Variants in PTPRT observed in about 807,000 individuals in gnomAD.
The protein encoded by PTPRT is receptor-type tyrosine-protein phosphatase T.
PTPRT carries 56 observed loss-of-function variants against 176.8 expected under a neutral mutation model. That is an observed-to-expected ratio of 0.32 (90% CI 0.26 to 0.40). PTPRT has a LOEUF of 0.40. Among genes scored for constraint, PTPRT ranks in the 10% least tolerant of loss-of-function variants. The pLI, the probability that PTPRT is intolerant of heterozygous loss-of-function variation, is 1.00. For synonymous variants in PTPRT, 783 were observed against 739.0 expected (o/e 1.06, Z -0.96); for missense variants, 1,540 against 1,908.2 (o/e 0.81, Z 3.60).
chr20:42,160,884 C>T (rs1298305166), intron 17 of PTPRT, among the ~76,000 whole-genome samples: 2 of 152,028 alleles, frequency 1.3e-5, no homozygotes, highest in Non-Finnish European at 2.9e-5. Context: ...ACCAGAATAC[C>T]ACAGAAGCTT....
chr20:42,182,200 AG>A (rs1282348179), intron 16 of PTPRT, among the ~76,000 whole-genome samples: 4 of 152,194 alleles, frequency 2.6e-5, no homozygotes, highest in Non-Finnish European at 5.9e-5. Flanking sequence ...GTAGGCCACG[AG>A]GTTAATTTTT....
chr20:42,603,193 C>T (rs545977496), intron 7 of PTPRT, among the ~76,000 whole-genome samples: 4 of 152,126 alleles, frequency 2.6e-5, no homozygotes, highest in African/African-American at 7.2e-5. Flanking sequence ...AGACAATCAG[C>T]GCAAGAAGAC....
chr20:42,768,884 C>A (rs937084564), intron 5 of PTPRT, among the ~76,000 whole-genome samples: 1 of 152,158 alleles, frequency 6.6e-6, no homozygotes, highest in Admixed American at 6.5e-5. Flanking sequence ...CTCCCACTGA[C>A]AAACCCAAGG....
At chr20:42,034,071 C>T in the PTPRT span, among the ~76,000 whole-genome samples, 1 of 152,148 alleles carries the variant, frequency 6.6e-6, no homozygotes, top group South Asian at 2.1e-4. Flanking sequence ...AAATAACACA[C>T]CTTTAATGCC....
At chr20:42,969,102 T>C (rs1982471643) in intron 1 of PTPRT, 1 of 152,188 alleles carries the variant, frequency 6.6e-6, no homozygotes, top group Non-Finnish European at 1.5e-5. Context: ...ATGTCACTTG[T>C]CGTTAATGGG....
intron 8 of PTPRT, among the ~76,000 whole-genome samples, chr20:42,450,316 T>C (rs1298385156): frequency 6.6e-6 from 1 of 152,238 alleles, no homozygotes; most frequent in East Asian, 1.9e-4. Context: ...TATTACCAGA[T>C]TGCCTTTCAG....
At chr20:42,585,512 C>T (rs1009850655) in intron 7 of PTPRT, among the ~76,000 whole-genome samples, 2 of 151,938 alleles carry the variant, frequency 1.3e-5, no homozygotes, top group Admixed American at 1.3e-4. Context: ...TATTTTAGTT[C>T]CTCTATTTGG....
At chr20:42,138,903 T>C (rs1447596344) in intron 18 of PTPRT, among the ~76,000 whole-genome samples, 1 of 152,224 alleles carries the variant, frequency 6.6e-6, no homozygotes, top group Non-Finnish European at 1.5e-5. Flanking sequence ...CTGTTCTCCC[T>C]GGCCTGGGCC....
intron 8 of PTPRT, among the ~76,000 whole-genome samples, chr20:42,449,876 T>C (rs375995802): frequency 4.6e-4 from 70 of 152,344 alleles, no homozygotes; most frequent in African/African-American, 1.4e-3. Context: ...AAATTACTCA[T>C]AATTCACATG....
the PTPRT span, among the ~76,000 whole-genome samples, chr20:42,049,962 C>T: frequency 6.6e-6 from 1 of 152,206 alleles, no homozygotes; most frequent in Non-Finnish European, 1.5e-5. Flanking sequence ...GATATTCAGC[C>T]TCATTCATTA....
intron 6 of PTPRT, among the ~76,000 whole-genome samples, chr20:42,736,156 G>A (rs1220162478): frequency 6.6e-6 from 1 of 152,162 alleles, no homozygotes; most frequent in Non-Finnish European, 1.5e-5. Flanking sequence ...TGATTTGGGG[G>A]CATGTAATAT....
intron 1 of PTPRT, among the ~76,000 whole-genome samples, chr20:43,090,168 T>C (rs895945447): frequency 4.0e-5 from 6 of 151,866 alleles, no homozygotes; most frequent in Admixed American, 2.6e-4. Flanking sequence ...CCAGGAAAAA[T>C]AGAGAATCCA....
intron 16 of PTPRT, among the ~76,000 whole-genome samples, chr20:42,179,436 A>T (rs1335366129): frequency 6.6e-6 from 1 of 152,258 alleles, no homozygotes. Flanking sequence ...TTTAATCGTT[A>T]AAGAGTTAAC....
At chr20:42,880,489 C>T (rs1250096153) in intron 2 of PTPRT, among the ~76,000 whole-genome samples, 1 of 152,326 alleles carries the variant, frequency 6.6e-6, no homozygotes, top group African/African-American at 2.4e-5. Context: ...ACCCAAGCCC[C>T]ACTACCTCTG....
At chr20:42,338,757 T>C (rs573690209) in intron 11 of PTPRT, among the ~76,000 whole-genome samples, 7 of 152,206 alleles carry the variant, frequency 4.6e-5, no homozygotes, top group Non-Finnish European at 1.0e-4. Flanking sequence ...CTGAATCCTA[T>C]GTGCAAGGTA....
intron 15 of PTPRT, among the ~76,000 whole-genome samples, chr20:42,220,037 T>TTATA (rs71335848): frequency 0.21 from 23,926 of 116,582 alleles, 2,365 homozygotes; most frequent in Non-Finnish European, 0.27. Flanking sequence ...TTTAAAAAAG[T>TTATA]TATATATATA....
chr20:42,334,857 G>T (rs2058018565), intron 11 of PTPRT, among the ~76,000 whole-genome samples: 1 of 152,216 alleles, frequency 6.6e-6, no homozygotes, highest in Admixed American at 6.5e-5. Flanking sequence ...AGACAATAAT[G>T]TAAGTGAACT....
chr20:42,890,222 C>A (rs977042275), intron 1 of PTPRT, among the ~76,000 whole-genome samples: 1 of 152,190 alleles, frequency 6.6e-6, no homozygotes, highest in African/African-American at 2.4e-5. Flanking sequence ...GATACCCACT[C>A]CCTATTGGTC....
At chr20:42,851,664 G>T (rs1170161639) in intron 2 of PTPRT, among the ~76,000 whole-genome samples, 2 of 152,212 alleles carry the variant, frequency 1.3e-5, no homozygotes, top group Non-Finnish European at 2.9e-5. Flanking sequence ...TAAAGAGCTA[G>T]ATAGTAAATA....
Sources: gnomAD v4.1 joint callset for allele counts (sites outside exome capture counted in the v4.1 genomes callset) on GRCh38, gnomAD v4.1.1 for gene constraint, MANE v1.5 for transcripts, NCBI Gene and HGNC (gene_info 2026-07-23, HGNC 2026-07-21) for gene names.